The following IL1RAPL1 variants were observed in gnomAD, a reference collection of about 807,000 sequenced individuals.
IL1RAPL1 encodes interleukin 1 receptor accessory protein like 1, also known as interleukin-1 receptor accessory protein-like 1.
A neutral mutation model predicts 48.4 loss-of-function variants in IL1RAPL1; 3 were observed. The observed-to-expected ratio is 0.06, with a 90% CI of 0.03 to 0.16. IL1RAPL1 has a LOEUF of 0.16. IL1RAPL1 is among the 10% of genes least tolerant of loss of function. IL1RAPL1 has a pLI of 1.00. For missense variants in IL1RAPL1, 349 were observed against 530.6 expected (o/e 0.66, Z 3.36); for synonymous variants, 185 against 187.7 (o/e 0.99, Z 0.12).
intron 5 of IL1RAPL1, among the ~76,000 whole-genome samples, chrX:29,578,515 C>T (rs1922848170): frequency 8.9e-6 from 1 of 111,819 alleles, no homozygotes; most frequent in African/African-American, 3.2e-5. Context: ...GTTCACTTGT[C>T]TTCTTTTCAG....
intron 2 of IL1RAPL1, among the ~76,000 whole-genome samples, chrX:28,931,237 A>G (rs6630792): frequency 0.052 from 5,753 of 111,641 alleles, 300 homozygotes; most frequent in East Asian, 0.37. Flanking sequence ...TCCTGTCACC[A>G]TGATTGATCC....
At chrX:29,244,436 G>A (rs757277140) in intron 2 of IL1RAPL1, among the ~76,000 whole-genome samples, 128 of 112,229 alleles carry the variant, frequency 1.1e-3, no homozygotes, top group Middle Eastern at 9.2e-3. Context: ...AATGTTAATA[G>A]CATTTTGATG....
intron 2 of IL1RAPL1, chrX:28,923,926 T>A (rs1426709680): frequency 8.9e-6 from 1 of 111,873 alleles, no homozygotes; most frequent in East Asian, 2.8e-4. Context: ...AAAATAAAAC[T>A]TTTAATGTTT....
At chrX:29,360,323 A>C (rs184276382) in intron 3 of IL1RAPL1, among the ~76,000 whole-genome samples, 3 of 111,844 alleles carry the variant, frequency 2.7e-5, no homozygotes, top group Admixed American at 1.9e-4. Flanking sequence ...GCCATACACT[A>C]AACCTGTAAG....
intron 6 of IL1RAPL1, among the ~76,000 whole-genome samples, chrX:29,763,571 ATGACTTC>A (rs1358482231): frequency 2.7e-5 from 3 of 111,287 alleles, no homozygotes; most frequent in African/African-American, 9.8e-5. Context: ...ATTACCACCT[ATGACTTC>A]TGACTTCTGT....
chrX:29,841,188 T>C (rs1186959757), intron 6 of IL1RAPL1, among the ~76,000 whole-genome samples: 1 of 111,954 alleles, frequency 8.9e-6, no homozygotes, highest in African/African-American at 3.2e-5. Context: ...TAACAATGCT[T>C]TACAGAGTAC....
Position 29,727,990 on chromosome X carries a change from T to C in IL1RAPL1, c.778+59486T>C, listed in dbSNP as rs182562373. On this transcript the variant is annotated intron_variant, in intron 6 of 10. Transcript: ENST00000378993. ...TCTCGCTCTGTTGCCCAGGCTGGAGTGCAGTGGCGCGATCTCGGCTCACTG... is the reference window on the plus strand; with the variant it reads ...TCTCGCTCTGTTGCCCAGGCTGGAGCGCAGTGGCGCGATCTCGGCTCACTG... 2.5e-3 allele frequency among the ~76,000 whole-genome samples: 274 copies of C among 111,145 alleles called. 1 individual carries two copies. The highest frequency in any genetic ancestry group is 8.6e-3 in the African/African-American group (263 of 30,567).
intron 1 of IL1RAPL1, among the ~76,000 whole-genome samples, chrX:28,673,620 G>C (rs1266087809): frequency 9.0e-6 from 1 of 111,428 alleles, no homozygotes; most frequent in Non-Finnish European, 1.9e-5. Flanking sequence ...GAGTTAGAAA[G>C]AGCTGAGCAG....
intron 5 of IL1RAPL1, among the ~76,000 whole-genome samples, chrX:29,604,593 C>T (rs927721160): frequency 2.7e-5 from 3 of 110,777 alleles, no homozygotes; most frequent in South Asian, 3.9e-4. Flanking sequence ...CGTGAGCCAC[C>T]GTACCCGGCC....
intron 6 of IL1RAPL1, among the ~76,000 whole-genome samples, chrX:29,890,456 C>G (rs985017394): frequency 1.8e-5 from 2 of 111,818 alleles, no homozygotes; most frequent in Non-Finnish European, 3.8e-5. Flanking sequence ...TTGAATAAGG[C>G]AATTCTTACT....
At chrX:29,333,449 A>G (rs1490991344) in intron 3 of IL1RAPL1, among the ~76,000 whole-genome samples, 1 of 38,152 alleles carries the variant, frequency 2.6e-5, no homozygotes, top group Middle Eastern at 0.012. Context: ...CTGGCCGGGC[A>G]GAGGGGCTCC....
chrX:28,962,913 T>A (rs1053014025), intron 2 of IL1RAPL1, among the ~76,000 whole-genome samples: 1 of 108,733 alleles, frequency 9.2e-6, no homozygotes, highest in Admixed American at 9.9e-5. Context: ...TGTGTGTGTG[T>A]GTATGACATG....
At chrX:28,777,843 A>G (rs73630084) in intron 1 of IL1RAPL1, among the ~76,000 whole-genome samples, 2,532 of 111,488 alleles carry the variant, frequency 0.023, 73 homozygotes, top group African/African-American at 0.078. Flanking sequence ...AATACAGGCC[A>G]TGGATGCTGC....
Position 29,583,982 on chromosome X carries a change from C to T in IL1RAPL1, c.704-84448C>T, listed in dbSNP as rs1482796628. 2.7e-5 allele frequency among the ~76,000 whole-genome samples: 3 copies of T among 111,535 alleles called. No homozygotes were observed. In the Admixed American group the frequency reaches 2.9e-4, roughly 11 times the overall value. Reference sequence around the variant, plus strand: ...TGCTTTCTAGTTTCCTTTGCCTTGACTTCATAGTAACCTCCTAGATAGAGT... The same window carrying T: ...TGCTTTCTAGTTTCCTTTGCCTTGATTTCATAGTAACCTCCTAGATAGAGT... On this transcript the variant is annotated intron_variant, in intron 5 of 10. Transcript: ENST00000378993.
At chrX:28,806,688 T>C (rs1936735665) in intron 2 of IL1RAPL1, among the ~76,000 whole-genome samples, 1 of 111,609 alleles carries the variant, frequency 9.0e-6, no homozygotes, top group Admixed American at 9.6e-5. Flanking sequence ...CTAACTGACA[T>C]GCTGCTCCGT....
At chrX:28,751,470 C>T in intron 1 of IL1RAPL1, among the ~76,000 whole-genome samples, 1 of 111,711 alleles carries the variant, frequency 9.0e-6, no homozygotes, top group Non-Finnish European at 1.9e-5. Context: ...AGTCATATGT[C>T]TACAAGTTTA....
intron 2 of IL1RAPL1, among the ~76,000 whole-genome samples, chrX:29,072,132 A>G (rs1464956989): frequency 9.1e-6 from 1 of 110,373 alleles, no homozygotes; most frequent in Non-Finnish European, 1.9e-5. Context: ...GGGCCATTAA[A>G]TAAAGTATGT....
chrX:29,915,144 A>G (rs1266960972), intron 6 of IL1RAPL1, among the ~76,000 whole-genome samples: 2 of 111,964 alleles, frequency 1.8e-5, no homozygotes, highest in East Asian at 5.6e-4. Context: ...AAACACAAAA[A>G]TAAATTAGTC....
chrX:28,631,161 A>G (rs1015785511), intron 1 of IL1RAPL1, among the ~76,000 whole-genome samples: 2 of 111,840 alleles, frequency 1.8e-5, no homozygotes, highest in Non-Finnish European at 3.8e-5. Flanking sequence ...CTTGTCTGCC[A>G]CAGATACCTA....
Sources: allele counts gnomAD v4.1 joint callset (sites outside exome capture counted in the v4.1 genomes callset), GRCh38; gene constraint gnomAD v4.1.1; transcripts MANE v1.5; gene names NCBI Gene and HGNC (gene_info 2026-07-23, HGNC 2026-07-21).